SLC71A2: variants seen among roughly 807,000 people sequenced by gnomAD.
SLC71A2 encodes the protein solute carrier family 71 member 2, also known as hippocampus abundant transcript-like 1.
At chr9:94,392,304 T>G in the SLC71A2 span, among the ~76,000 whole-genome samples, 2 of 150,890 alleles carry the variant, frequency 1.3e-5, no homozygotes, top group Admixed American at 6.6e-5. Context: ...TTCCTAGTGG[T>G]GGGCTTCCTA....
the SLC71A2 span, among the ~76,000 whole-genome samples, chr9:94,375,140 A>C: frequency 1.3e-5 from 2 of 151,956 alleles, no homozygotes; most frequent in African/African-American, 4.8e-5. Context: ...TTATTGTTTC[A>C]AAAGGCGCTA....
chr9:94,422,384 A>G, the SLC71A2 span, among the ~76,000 whole-genome samples: 7 of 152,170 alleles, frequency 4.6e-5, no homozygotes, highest in African/African-American at 1.7e-4. Flanking sequence ...GAACTTAGAG[A>G]TGGTCCTGGA....
At chr9:94,411,450 TTTGA>T in the SLC71A2 span, among the ~76,000 whole-genome samples, 2 of 151,838 alleles carry the variant, frequency 1.3e-5, no homozygotes, top group South Asian at 4.1e-4. Context: ...GTGTTATCAG[TTTGA>T]TTATTCCCTT....
the SLC71A2 span, among the ~76,000 whole-genome samples, chr9:94,457,627 C>CT: frequency 6.6e-6 from 1 of 152,164 alleles, no homozygotes; most frequent in African/African-American, 2.4e-5. Context: ...CCGTGGAGGA[C>CT]TGTCACTGCC....
chr9:94,403,284 C>G, the SLC71A2 span, among the ~76,000 whole-genome samples: 1 of 152,062 alleles, frequency 6.6e-6, no homozygotes, highest in South Asian at 2.1e-4. Context: ...TTACAGGCGC[C>G]CGCCACCACG....
At chr9:94,399,998 G>A in the SLC71A2 span, among the ~76,000 whole-genome samples, 1 of 151,984 alleles carries the variant, frequency 6.6e-6, no homozygotes. Context: ...TAGTAGAGAT[G>A]GGAGGTTTCC....
the SLC71A2 span, among the ~76,000 whole-genome samples, chr9:94,405,445 G>A: frequency 2.0e-5 from 3 of 151,206 alleles, no homozygotes; most frequent in Non-Finnish European, 4.4e-5. Flanking sequence ...CTTGCAGTGA[G>A]CGGAAATCGT....
chr9:94,416,593 G>A, the SLC71A2 span, among the ~76,000 whole-genome samples: 3 of 152,158 alleles, frequency 2.0e-5, no homozygotes, highest in Non-Finnish European at 4.4e-5. Flanking sequence ...GGTGGCTCAC[G>A]CCTGTAATCC....
the SLC71A2 span, chr9:94,459,460 G>A: frequency 6.2e-7 from 1 of 1,603,720 alleles, no homozygotes; most frequent in South Asian, 1.1e-5. Flanking sequence ...GAGAGCCATG[G>A]AGGGAGCCAC....
At chr9:94,401,177 G>T in the SLC71A2 span, among the ~76,000 whole-genome samples, 2 of 150,652 alleles carry the variant, frequency 1.3e-5, no homozygotes, top group Non-Finnish European at 3.0e-5. Context: ...TAATTTTTTT[G>T]TTGTTGTTTT....
chr9:94,424,727 CT>C, the SLC71A2 span, among the ~76,000 whole-genome samples: 1,411 of 91,774 alleles, frequency 0.015, 15 homozygotes, highest in East Asian at 0.13. Context: ...TTGTTTTCTG[CT>C]TTTTTTTTTT....
chr9:94,429,595 A>C, the SLC71A2 span, among the ~76,000 whole-genome samples: 2 of 152,146 alleles, frequency 1.3e-5, no homozygotes, highest in Non-Finnish European at 2.9e-5. Flanking sequence ...TAGGTATACT[A>C]AAAAGAAGTA....
At chr9:94,458,659 T>C in the SLC71A2 span, among the ~76,000 whole-genome samples, 1 of 133,546 alleles carries the variant, frequency 7.5e-6, no homozygotes, top group Non-Finnish European at 1.6e-5. Context: ...GTAAAAGATA[T>C]GTCTTAACTT....
chr9:94,446,206 A>C, the SLC71A2 span, among the ~76,000 whole-genome samples: 1 of 152,228 alleles, frequency 6.6e-6, no homozygotes. Flanking sequence ...TGGTCTGATG[A>C]GCTAGAAGCT....
the SLC71A2 span, chr9:94,445,053 G>C: frequency 6.2e-7 from 1 of 1,614,176 alleles, no homozygotes; most frequent in Non-Finnish European, 8.5e-7. Context: ...TCGTTGTGCT[G>C]GTGGCCACAG....
chr9:94,459,143 G>A, the SLC71A2 span: 66 of 1,608,820 alleles, frequency 4.1e-5, no homozygotes, highest in Non-Finnish European at 5.4e-5. Flanking sequence ...GTCTCCACTT[G>A]TTTTCCACGT....
the SLC71A2 span, chr9:94,440,893 G>A: frequency 6.4e-4 from 445 of 694,272 alleles, 3 homozygotes; most frequent in African/African-American, 7.3e-3. Context: ...TTATTTCTTG[G>A]TGCGTAATCT....
At chr9:94,440,881 A>G in the SLC71A2 span, 1 of 628,386 alleles carries the variant, frequency 1.6e-6, no homozygotes, top group Non-Finnish European at 2.8e-6. Flanking sequence ...ATACAAGTAT[A>G]CTTATTTCTT....
chr9:94,430,284 G>A, the SLC71A2 span, among the ~76,000 whole-genome samples: 1 of 149,948 alleles, frequency 6.7e-6, no homozygotes, highest in African/African-American at 2.5e-5. Flanking sequence ...GTGCAGTGGT[G>A]TGATCTCAGC....
Sources: gnomAD v4.1 joint callset for allele counts (sites outside exome capture counted in the v4.1 genomes callset) on GRCh38, gnomAD v4.1.1 for gene constraint, MANE v1.5 for transcripts, NCBI Gene and HGNC (gene_info 2026-07-23, HGNC 2026-07-21) for gene names.